LRRC7: variants seen among roughly 807,000 people sequenced by gnomAD.
The protein encoded by LRRC7 is leucine-rich repeat-containing protein 7.
In LRRC7, 23 loss-of-function variants were observed where a neutral mutation model predicts 175.7. The ratio of observed to expected loss-of-function variants is 0.13; its 90% CI spans 0.09 to 0.19. The LOEUF (loss-of-function observed/expected upper bound fraction) is 0.19, where lower values mean the gene tolerates loss of function less well. Among genes scored for constraint, LRRC7 ranks in the 10% least tolerant of loss-of-function variants. LRRC7 has a pLI of 1.00. For missense variants in LRRC7, 1,354 were observed against 1,904.7 expected (o/e 0.71, Z 5.38); for synonymous variants, 685 against 680.9 (o/e 1.01, Z -0.09).
chr1:70,060,778 G>A (rs1661519958), intron 23 of LRRC7, among the ~76,000 whole-genome samples: 1 of 152,186 alleles, frequency 6.6e-6, no homozygotes, highest in African/African-American at 2.4e-5. Flanking sequence ...CTGGTTTAGA[G>A]TAAAATTGAA....
chr1:69,578,935 T>C (rs1448204676), intron 1 of LRRC7, among the ~76,000 whole-genome samples: 1 of 149,834 alleles, frequency 6.7e-6, no homozygotes, highest in Non-Finnish European at 1.5e-5. Context: ...ACTTAAAGTA[T>C]AATAATAATA....
chr1:70,059,494 TGTG>T (rs1661410955), intron 23 of LRRC7, among the ~76,000 whole-genome samples: 1 of 151,592 alleles, frequency 6.6e-6, no homozygotes. Context: ...TGTGTGTGTG[TGTG>T]TGTGTGTGTG....
intron 4 of LRRC7, among the ~76,000 whole-genome samples, chr1:69,798,524 G>T (rs1189158724): frequency 6.6e-6 from 1 of 152,034 alleles, no homozygotes; most frequent in Non-Finnish European, 1.5e-5. Context: ...AAATATTTAT[G>T]CACCTTTAAT....
At chr1:69,706,909 G>A (rs1277322017) in intron 2 of LRRC7, among the ~76,000 whole-genome samples, 1 of 152,088 alleles carries the variant, frequency 6.6e-6, no homozygotes, top group Non-Finnish European at 1.5e-5. Context: ...ATTTGATGTT[G>A]ATGAATAAAA....
rs1673067127 is a variant in LRRC7 at position 69,778,482 on chromosome 1, A to G, written c.304-13561A>G. ...AATTTTGTAACAGTGGGTTATAGAA[A>G]TATATATGCAAGAGTATATGAAAAC... is the stretch of plus-strand genomic sequence containing the variant. On this transcript the variant is annotated intron_variant, in intron 3 of 26. Coordinates refer to ENST00000651989, the MANE Select transcript of LRRC7 (RefSeq NM_001370785.2). Among the ~76,000 whole-genome samples the G allele has an allele frequency of 2.0e-5, 3 of 152,222 alleles. No individual in the cohort carries two copies. The East Asian group carries it at 5.8e-4, about 29-fold the overall frequency.
rs765967354 is a variant in LRRC7, at chr1:69,699,188, G to T, written c.100+20710G>T. On this transcript the variant is annotated intron_variant, in intron 2 of 26. Transcript: ENST00000651989. ...AAAGGGAAGAACTTACCTGGCTAGAGGACTTGCCCATCTCTGAGAGAAAGT... is the reference window on the plus strand; with the variant it reads ...AAAGGGAAGAACTTACCTGGCTAGATGACTTGCCCATCTCTGAGAGAAAGT... 5.7e-4 allele frequency among the ~76,000 whole-genome samples: 87 copies of T among 152,134 alleles called. 1 individual carries two copies. The highest frequency in any genetic ancestry group is 2.1e-4 in the Non-Finnish European group (14 of 68,014).
At chr1:69,873,514 A>G (rs779347094) in intron 7 of LRRC7, 5 of 532,666 alleles carry the variant, frequency 9.4e-6, no homozygotes, top group Admixed American at 7.8e-5. Context: ...CTGAGACTAT[A>G]CAGTGACACC....
In LRRC7 at chr1:70,076,222, C is replaced by T. The variant is rs931828859; in HGVS notation, c.4376C>T (p.Ala1459Val). The change falls in exon 24 of 27, where the codon GCC (alanine) becomes GTC (valine). Residue 1459 changes from alanine (A) to valine (V), a missense_variant. Around this residue, in one of 4 missense-constraint regions of LRRC7, gnomAD observed 1,032 missense variants for 1,227.2 expected, o/e 0.84. Transcript: ENST00000651989. ...PLPIQIPSSQ[A>V]TRGPQPGRCL... is the part of the protein sequence containing the mutation. Reference sequence around the variant, plus strand: ...CCTATTCAGATCCCCTCTTCACAGGCCACCCGGGGACCTCAGCCTGGACGG... The same window carrying T: ...CCTATTCAGATCCCCTCTTCACAGGTCACCCGGGGACCTCAGCCTGGACGG... The T allele has an allele frequency of 1.9e-6, 3 of 1,613,928 alleles. No homozygotes were observed. Among genetic ancestry groups the T allele is most frequent in the African/African-American group, 2.7e-5 (2 of 74,916 alleles).
intron 3 of LRRC7, among the ~76,000 whole-genome samples, chr1:69,781,249 C>T (rs1673449326): frequency 6.6e-6 from 1 of 152,050 alleles, no homozygotes; most frequent in Non-Finnish European, 1.5e-5. Context: ...GGGCCTGCGG[C>T]CTTTGTGAGG....
Position 70,129,269 on chromosome 1 carries a change from C to T in LRRC7, c.*7382C>T, listed in dbSNP as rs1436913866. Among the ~76,000 whole-genome samples the T allele has an allele frequency of 2.0e-5, 3 of 149,960 alleles. No homozygotes were observed. The highest frequency in any genetic ancestry group is 2.1e-4 in the South Asian group (1 of 4,714). ...CTTAAAAAAAAAAAAAAAAGTGTCA[C>T]GAAAAGTGTGAGCTAGATGAATATT... On this transcript the variant is annotated 3_prime_UTR_variant, in exon 27 of 27. Transcript: ENST00000651989.
chr1:70,000,676 T>A (rs1249123042), intron 11 of LRRC7, among the ~76,000 whole-genome samples: 1 of 152,204 alleles, frequency 6.6e-6, no homozygotes, highest in Non-Finnish European at 1.5e-5. Context: ...CCTGAAATAT[T>A]CTTTCCCCAC....
At chr1:69,965,293 C>T (rs987572698) in intron 8 of LRRC7, among the ~76,000 whole-genome samples, 73 of 152,146 alleles carry the variant, frequency 4.8e-4, no homozygotes, top group Non-Finnish European at 6.0e-4. Flanking sequence ...TCCAACATTT[C>T]AGATCATCTT....
intron 1 of LRRC7, among the ~76,000 whole-genome samples, chr1:69,633,783 A>C (rs1198928480): frequency 1.3e-5 from 2 of 152,074 alleles, no homozygotes; most frequent in East Asian, 3.9e-4. Flanking sequence ...TATTTTACTT[A>C]TTTATTTTTT....
At chr1:69,764,635 C>T (rs2100957907) in intron 3 of LRRC7, among the ~76,000 whole-genome samples, 1 of 152,006 alleles carries the variant, frequency 6.6e-6, no homozygotes, top group Non-Finnish European at 1.5e-5. Context: ...AGTATTCTTC[C>T]TGGAAACCTG....
chr1:70,085,959 A>C (rs1196569697), intron 24 of LRRC7, among the ~76,000 whole-genome samples: 1 of 152,158 alleles, frequency 6.6e-6, no homozygotes, highest in Admixed American at 6.6e-5. Context: ...CAAAGCTACA[A>C]CATTTTTCCA....
At chr1:69,980,551 C>A in intron 9 of LRRC7, 98 bp downstream of exon 9, 1 of 1,012,844 alleles carries the variant, frequency 9.9e-7, no homozygotes, top group Non-Finnish European at 1.5e-6. Context: ...ATTTGTGTTT[C>A]AAAGTAAAAT....
At chr1:69,630,143 C>G (rs558322918) in intron 1 of LRRC7, among the ~76,000 whole-genome samples, 2 of 152,226 alleles carry the variant, frequency 1.3e-5, no homozygotes, top group South Asian at 2.1e-4. Context: ...TCCAACATCT[C>G]TCTATTTTCT....
At chr1:69,773,409 G>A (rs1672458160) in intron 3 of LRRC7, among the ~76,000 whole-genome samples, 1 of 152,134 alleles carries the variant, frequency 6.6e-6, no homozygotes, top group African/African-American at 2.4e-5. Flanking sequence ...AACCATAGAG[G>A]TTCCAGTGTG....
intron 2 of LRRC7, among the ~76,000 whole-genome samples, chr1:69,725,780 C>A (rs1666902204): frequency 6.6e-6 from 1 of 152,190 alleles, no homozygotes; most frequent in Non-Finnish European, 1.5e-5. Context: ...ACCAGCTTCA[C>A]ACTCCAGGCT....
Sources: gnomAD v4.1 joint callset for allele counts (sites outside exome capture counted in the v4.1 genomes callset) on GRCh38, gnomAD v4.1.1 for gene constraint, gnomAD v4.1.1 regional missense constraint, MANE v1.5 for transcripts, NCBI Gene and HGNC (gene_info 2026-07-23, HGNC 2026-07-21) for gene names.